Variants in NSMCE2 observed in about 807,000 individuals in gnomAD.
The protein encoded by NSMCE2 is NSE2 SUMO ligase component of SMC5/6 complex, also known as E3 SUMO-protein ligase NSE2.
A neutral mutation model predicts 23.8 loss-of-function variants in NSMCE2; 24 were observed. The ratio of observed to expected loss-of-function variants is 1.01; its 90% CI spans 0.73 to 1.42. The LOEUF is 1.42. Ranked by LOEUF, NSMCE2 falls within the 40% of genes most tolerant of loss-of-function variation. NSMCE2 has a pLI of 0.00. For missense variants in NSMCE2, 284 were observed against 296.5 expected (o/e 0.96, Z 0.31); for synonymous variants, 92 against 94.1 (o/e 0.98, Z 0.13).
At chr8:125,129,593 T>C (rs930061618) in intron 3 of NSMCE2, among the ~76,000 whole-genome samples, 14 of 151,652 alleles carry the variant, frequency 9.2e-5, no homozygotes, top group African/African-American at 2.7e-4. Context: ...TGTGTTTCAT[T>C]GATATTCTGA....
At chr8:125,353,700 T>G (rs1813131704) in intron 5 of NSMCE2, among the ~76,000 whole-genome samples, 1 of 151,650 alleles carries the variant, frequency 6.6e-6, no homozygotes, top group Admixed American at 6.6e-5. Flanking sequence ...GTGGCCAACA[T>G]GGCGAAACCA....
At chr8:125,351,679 A>G (rs1813041319) in intron 5 of NSMCE2, among the ~76,000 whole-genome samples, 1 of 152,224 alleles carries the variant, frequency 6.6e-6, no homozygotes, top group Non-Finnish European at 1.5e-5. Flanking sequence ...GCTTTATTAT[A>G]AAGCAAATGT....
chr8:125,326,288 A>T (rs1005229802), intron 5 of NSMCE2, among the ~76,000 whole-genome samples: 3 of 152,112 alleles, frequency 2.0e-5, no homozygotes, highest in African/African-American at 7.2e-5. Flanking sequence ...TAAAAATAAA[A>T]ATCAAGTCAT....
In NSMCE2 at chr8:125,102,400, C is replaced by G. The variant is rs146435536; in HGVS notation, c.70C>G (p.Leu24Val). Reference protein sequence around the residue: ...FISFSGVESALSSLKNFQACI... With the variant: ...FISFSGVESAVSSLKNFQACI... ...CTCCTTCAGTGGTGTAGAGTCTGCT[C>G]TCTCCTCCTTGAAAAACTTCCAAGC... is the stretch of plus-strand genomic sequence containing the variant. The change falls in exon 3 of 8, where the codon CTC (leucine) becomes GTC (valine). Residue 24 changes from leucine (L) to valine (V), a missense_variant. Around this residue, in one of 2 missense-constraint regions of NSMCE2, gnomAD observed 182 missense variants for 155.5 expected, o/e 1.17. Coordinates refer to ENST00000287437, the MANE Select transcript of NSMCE2 (RefSeq NM_173685.4). 1 of 1,613,004 alleles carries G rather than the reference C, an allele frequency of 6.2e-7. No homozygotes were observed. The highest frequency in any genetic ancestry group is 1.3e-5 in the African/African-American group (1 of 74,868).
intron 5 of NSMCE2, among the ~76,000 whole-genome samples, chr8:125,275,424 A>G (rs1296029398): frequency 1.3e-5 from 2 of 152,264 alleles, no homozygotes; most frequent in African/African-American, 4.8e-5. Context: ...GCCACTCTTT[A>G]TTCTTCCCTG....
rs1825326223 is a variant in NSMCE2, at chr8:125,231,610, A to G, written c.418+49354A>G. On this transcript the variant is annotated intron_variant, in intron 5 of 7. Coordinates refer to ENST00000287437, the MANE Select transcript of NSMCE2 (RefSeq NM_173685.4). ...AGTATTTTACTTAAAAGATTCTGAA[A>G]AAGTGGATTAGAAAACACCAGTGTG... Among the ~76,000 whole-genome samples the G allele has an allele frequency of 2.0e-5, 3 of 152,192 alleles. No homozygotes were observed. In the South Asian group the frequency reaches 6.2e-4, roughly 32 times the overall value.
At chr8:125,292,707 T>A (rs1828157322) in intron 5 of NSMCE2, among the ~76,000 whole-genome samples, 1 of 152,252 alleles carries the variant, frequency 6.6e-6, no homozygotes, top group Non-Finnish European at 1.5e-5. Context: ...TGTTGGCTTC[T>A]ACAAACCACA....
intron 5 of NSMCE2, among the ~76,000 whole-genome samples, chr8:125,201,933 C>A (rs921190689): frequency 3.9e-5 from 6 of 152,178 alleles, no homozygotes; most frequent in Non-Finnish European, 7.4e-5. Flanking sequence ...CCCATTCCCC[C>A]GCCTTCCTGC....
At chr8:125,336,361 T>C (rs960207535) in intron 5 of NSMCE2, among the ~76,000 whole-genome samples, 5 of 152,216 alleles carry the variant, frequency 3.3e-5, no homozygotes, top group African/African-American at 1.2e-4. Flanking sequence ...ATGGGGAAAC[T>C]AAGGCTCTGA....
At chr8:125,352,729 C>T (rs796073768) in intron 5 of NSMCE2, among the ~76,000 whole-genome samples, 11 of 152,302 alleles carry the variant, frequency 7.2e-5, no homozygotes, top group African/African-American at 2.6e-4. Flanking sequence ...TCTCTCCCAT[C>T]TTCCTTTTAC....
chr8:125,297,708 G>A (rs567032980), intron 5 of NSMCE2, among the ~76,000 whole-genome samples: 3 of 151,868 alleles, frequency 2.0e-5, no homozygotes, highest in African/African-American at 7.2e-5. Context: ...AATAGCGTGC[G>A]CCTGTAGTCA....
At chr8:125,186,841 T>C (rs1280563956) in intron 5 of NSMCE2, among the ~76,000 whole-genome samples, 1 of 152,164 alleles carries the variant, frequency 6.6e-6, no homozygotes, top group Non-Finnish European at 1.5e-5. Context: ...CTAACAGATA[T>C]ACTACACTCA....
intron 5 of NSMCE2, among the ~76,000 whole-genome samples, chr8:125,324,550 G>T (rs1586769948): frequency 1.5e-5 from 2 of 137,350 alleles, no homozygotes; most frequent in Middle Eastern, 3.8e-3. Context: ...CATATCCTAT[G>T]TGATTCCATT....
chr8:125,298,883 G>A (rs1335206359), intron 5 of NSMCE2, among the ~76,000 whole-genome samples: 1 of 151,968 alleles, frequency 6.6e-6, no homozygotes, highest in African/African-American at 2.4e-5. Flanking sequence ...TAGTATTGAT[G>A]GGATTAAGTT....
chr8:125,167,642 A>C (rs991326735), intron 4 of NSMCE2, among the ~76,000 whole-genome samples: 1 of 152,216 alleles, frequency 6.6e-6, no homozygotes, highest in African/African-American at 2.4e-5. Context: ...TCAAAAAAAA[A>C]ATTGCAAAGT....
chr8:125,321,720 C>T (rs1357435874), intron 5 of NSMCE2, among the ~76,000 whole-genome samples: 9 of 152,132 alleles, frequency 5.9e-5, no homozygotes, highest in Non-Finnish European at 1.0e-4. Flanking sequence ...TCCAGGAATG[C>T]AAGATTGGTT....
chr8:125,149,594 T>A (rs186865835), intron 3 of NSMCE2, among the ~76,000 whole-genome samples: 15 of 152,338 alleles, frequency 9.8e-5, no homozygotes, highest in Admixed American at 8.5e-4. Flanking sequence ...ATCTATTAAA[T>A]TATGTTAGAG....
chr8:125,159,512 TGTA>T (rs1821493721), intron 4 of NSMCE2, among the ~76,000 whole-genome samples: 1 of 151,894 alleles, frequency 6.6e-6, no homozygotes, highest in Non-Finnish European at 1.5e-5. Flanking sequence ...AGCCCAGGAG[TGTA>T]GTAGGCTATT....
chr8:125,132,643 G>A (rs1047113863), intron 3 of NSMCE2, among the ~76,000 whole-genome samples: 1 of 151,848 alleles, frequency 6.6e-6, no homozygotes, highest in African/African-American at 2.4e-5. Context: ...ACAGATACAC[G>A]CTACCACACT....
Sources: gnomAD v4.1 joint callset for allele counts (sites outside exome capture counted in the v4.1 genomes callset) on GRCh38, gnomAD v4.1.1 for gene constraint, gnomAD v4.1.1 regional missense constraint, MANE v1.5 for transcripts, NCBI Gene and HGNC (gene_info 2026-07-23, HGNC 2026-07-21) for gene names.